The following DDR2 variants were observed in gnomAD, a reference collection of about 807,000 sequenced individuals.
DDR2 encodes discoidin domain-containing receptor 2.
A neutral mutation model predicts 94.9 loss-of-function variants in DDR2; 27 were observed. That is an observed-to-expected ratio of 0.28 (90% CI 0.21 to 0.39). The LOEUF (loss-of-function observed/expected upper bound fraction) is 0.39. Among genes scored for constraint, DDR2 ranks in the 10% least tolerant of loss-of-function variants. The pLI, the probability that DDR2 is intolerant of heterozygous loss-of-function variation, is 1.00. For missense variants in DDR2, 783 were observed against 1,076.0 expected, an observed-to-expected ratio of 0.73 and a Z score of 3.81; for synonymous variants, 382 against 377.2, an observed-to-expected ratio of 1.01 and a Z score of -0.15.
At chr1:162,664,514 G>C (rs1333672608) in intron 2 of DDR2, among the ~76,000 whole-genome samples, 1 of 152,012 alleles carries the variant, frequency 6.6e-6, no homozygotes. Flanking sequence ...AAATATATAA[G>C]TTATAAGCCT....
At chr1:162,753,296 G>A in intron 4 of DDR2, 99 bp downstream of exon 4, 1 of 1,065,330 alleles carries the variant, frequency 9.4e-7, no homozygotes, top group East Asian at 2.6e-5. Flanking sequence ...TGGTGTTATT[G>A]GCAGGAACTG....
intron 2 of DDR2, among the ~76,000 whole-genome samples, chr1:162,698,730 C>T (rs1660300956): frequency 6.6e-6 from 1 of 152,160 alleles, no homozygotes; most frequent in South Asian, 2.1e-4. Context: ...CAGTGGGAGG[C>T]TTGTAGGCAC....
chr1:162,775,299 T>C (rs1647469442), intron 14 of DDR2, among the ~76,000 whole-genome samples: 1 of 152,018 alleles, frequency 6.6e-6, no homozygotes, highest in Non-Finnish European at 1.5e-5. Flanking sequence ...TAAGATATGA[T>C]TTTCAGTGAA....
At chr1:162,687,473 T>A (rs1659739799) in intron 2 of DDR2, among the ~76,000 whole-genome samples, 1 of 152,192 alleles carries the variant, frequency 6.6e-6, no homozygotes, top group African/African-American at 2.4e-5. Flanking sequence ...ATATGTTTAT[T>A]TTGAAGTGGG....
At chr1:162,644,668 C>T (rs1657319927) in intron 1 of DDR2, among the ~76,000 whole-genome samples, 1 of 151,114 alleles carries the variant, frequency 6.6e-6, no homozygotes, top group Non-Finnish European at 1.5e-5. Context: ...ACACACTTGG[C>T]TTATTGCAAC....
chr1:162,742,967 T>G (rs1662684453), intron 3 of DDR2, among the ~76,000 whole-genome samples: 1 of 151,858 alleles, frequency 6.6e-6, no homozygotes, highest in Admixed American at 6.6e-5. Context: ...TTCAGTTACC[T>G]CCCCCTAGGT....
intron 2 of DDR2, among the ~76,000 whole-genome samples, chr1:162,717,075 G>A (rs1292747678): frequency 6.7e-6 from 1 of 149,230 alleles, no homozygotes; most frequent in South Asian, 2.1e-4. Flanking sequence ...TCACTCTGTC[G>A]CCCAGGCTGG....
At chr1:162,722,399 C>G (rs1373070543) in intron 3 of DDR2, among the ~76,000 whole-genome samples, 1 of 152,168 alleles carries the variant, frequency 6.6e-6, no homozygotes, top group Non-Finnish European at 1.5e-5. Flanking sequence ...GGGCAGAGTT[C>G]TCAGCTATCT....
intron 7 of DDR2, among the ~76,000 whole-genome samples, chr1:162,758,278 T>A (rs1299839182): frequency 6.6e-6 from 1 of 152,212 alleles, no homozygotes; most frequent in South Asian, 2.1e-4. Context: ...TCTCAGCCAC[T>A]GAGAGATGAC....
At chr1:162,634,091 A>G (rs6702820) in intron 1 of DDR2, among the ~76,000 whole-genome samples, 28,386 of 152,154 alleles carry the variant, frequency 0.19, 3,202 homozygotes, top group Admixed American at 0.29. Flanking sequence ...GTCAAATTCC[A>G]TATTTCACTG....
chr1:162,745,343 T>C (rs1662797294), intron 3 of DDR2, among the ~76,000 whole-genome samples: 1 of 152,220 alleles, frequency 6.6e-6, no homozygotes, highest in Non-Finnish European at 1.5e-5. Context: ...TGTTCAATTG[T>C]AGTTCCGCCT....
chr1:162,722,763 T>C (rs1661478698), intron 3 of DDR2, among the ~76,000 whole-genome samples: 1 of 152,240 alleles, frequency 6.6e-6, no homozygotes, highest in African/African-American at 2.4e-5. Flanking sequence ...ACTTCCTTAA[T>C]ATTTTCACTT....
At chr1:162,751,091 G>A (rs1004291033) in intron 3 of DDR2, among the ~76,000 whole-genome samples, 6 of 152,116 alleles carry the variant, frequency 3.9e-5, no homozygotes, top group Non-Finnish European at 5.9e-5. Flanking sequence ...CATGGGCAAG[G>A]ACTTCATGAC....
At chr1:162,706,909 G>A (rs1660690088) in intron 2 of DDR2, among the ~76,000 whole-genome samples, 1 of 152,326 alleles carries the variant, frequency 6.6e-6, no homozygotes, top group South Asian at 2.1e-4. Context: ...AGCATGAAAT[G>A]GAAAGGGTTA....
intron 3 of DDR2, among the ~76,000 whole-genome samples, chr1:162,730,592 C>A (rs1352428604): frequency 1.3e-5 from 2 of 152,152 alleles, no homozygotes; most frequent in Non-Finnish European, 2.9e-5. Flanking sequence ...TGGGAGGAGC[C>A]CTGGGCTTGC....
At chr1:162,708,781 A>G (rs1277246714) in intron 2 of DDR2, among the ~76,000 whole-genome samples, 3 of 152,156 alleles carry the variant, frequency 2.0e-5, no homozygotes, top group African/African-American at 4.8e-5. Context: ...CTATTTTACT[A>G]TCATGTAAAT....
intron 9 of DDR2, among the ~76,000 whole-genome samples, 179 bp downstream of exon 9, chr1:162,761,633 A>G (rs1217838893): frequency 6.6e-6 from 1 of 152,224 alleles, no homozygotes; most frequent in Admixed American, 6.5e-5. Context: ...GGATGGGATG[A>G]GAATGGAAGT....
chr1:162,752,989 A>T (rs1663286862), intron 3 of DDR2, 106 bp from the exon 4 acceptor site: 20 of 994,470 alleles, frequency 2.0e-5, no homozygotes, highest in Non-Finnish European at 3.1e-5. Context: ...GGAAGATGTA[A>T]ATTCTCTTAT....
chr1:162,760,358 TTG>T (rs113653768), intron 8 of DDR2, among the ~76,000 whole-genome samples: 1,436 of 143,004 alleles, frequency 0.01, 16 homozygotes, highest in African/African-American at 0.027. Context: ...ACCAGCACAG[TTG>T]TGTGTGTGTG....
Sources: allele counts gnomAD v4.1 joint callset (sites outside exome capture counted in the v4.1 genomes callset), GRCh38; gene constraint gnomAD v4.1.1; transcripts MANE v1.5; gene names NCBI Gene and HGNC (gene_info 2026-07-23, HGNC 2026-07-21).